Variants in YWHAH observed in about 807,000 individuals in gnomAD.
The protein encoded by YWHAH is tyrosine 3-monooxygenase/tryptophan 5-monooxygenase activation protein eta, also known as 14-3-3 protein eta.
A neutral mutation model predicts 22.9 loss-of-function variants in YWHAH; 6 were observed. The ratio of observed to expected loss-of-function variants is 0.26; its 90% CI spans 0.14 to 0.52. The LOEUF is 0.52. Ranked by LOEUF, YWHAH falls within the 20% of genes least tolerant of loss-of-function variation. The pLI is 0.97. For missense variants in YWHAH, 173 were observed against 308.6 expected (o/e 0.56, Z 3.29); for synonymous variants, 135 against 124.5 (o/e 1.08, Z -0.56).
intron 1 of YWHAH, among the ~76,000 whole-genome samples, chr22:31,949,515 G>T (rs555535881): frequency 1.4e-5 from 2 of 146,538 alleles, no homozygotes; most frequent in East Asian, 2.1e-4. Context: ...TTTTTTGGTG[G>T]GGGGGGGAGT....
At chr22:31,952,663 C>T (rs2093844856) in intron 1 of YWHAH, among the ~76,000 whole-genome samples, 1 of 152,216 alleles carries the variant, frequency 6.6e-6, no homozygotes, top group Non-Finnish European at 1.5e-5. Flanking sequence ...TTCATTCAGA[C>T]TGGCAGGCAA....
intron 1 of YWHAH, among the ~76,000 whole-genome samples, chr22:31,955,510 C>T (rs1684262802): frequency 6.8e-6 from 1 of 147,500 alleles, no homozygotes. Context: ...AGTGCAGTGG[C>T]ACGATCTGGG....
intron 1 of YWHAH, among the ~76,000 whole-genome samples, chr22:31,954,202 T>C (rs538568932): frequency 1.4e-4 from 22 of 152,372 alleles, no homozygotes; most frequent in Non-Finnish European, 2.4e-4. Context: ...TCCTTACAGA[T>C]TGGTTTAAGT....
Position 31,956,745 on chromosome 22 carries a change from C to G in YWHAH, c.694C>G (p.Leu232Val). The G allele has an allele frequency of 6.2e-7, 1 of 1,612,026 alleles. No homozygotes were observed. Among genetic ancestry groups the G allele is most frequent in the Non-Finnish European group, 8.5e-7 (1 of 1,179,006 alleles). ...GCAGTTGCTGCGAGACAACCTCACC[C>G]TCTGGACGAGCGACCAGCAGGATGA... The part of the protein sequence containing the change: ...IMQLLRDNLT[L>V]WTSDQQDEEA... The change falls in exon 2 of 2, where the codon CTC becomes GTC. Residue 232 changes from leucine (L) to valine (V), a missense_variant. Leu to Val is a conservative substitution (Grantham distance 32, BLOSUM62 1). Transcript: ENST00000248975. The surrounding 1 kb of genome is among the most constrained non-coding windows in gnomAD (Gnocchi z 5.1).
At chr22:31,947,010 AAAG>A (rs780965018) in intron 1 of YWHAH, among the ~76,000 whole-genome samples, 7 of 152,210 alleles carry the variant, frequency 4.6e-5, no homozygotes, top group African/African-American at 1.2e-4. Context: ...AAAAGAAAAA[AAAG>A]AATATATTGG....
intron 1 of YWHAH, among the ~76,000 whole-genome samples, chr22:31,945,880 GCTTAAGT>G (rs2093833712): frequency 6.6e-6 from 1 of 152,184 alleles, no homozygotes; most frequent in East Asian, 1.9e-4. Flanking sequence ...TTTTTAGCTG[GCTTAAGT>G]CTGAGAATTA....
intron 1 of YWHAH, chr22:31,945,795 G>C (rs1022600888): frequency 2.4e-6 from 2 of 843,054 alleles, no homozygotes; most frequent in Admixed American, 3.9e-5. Flanking sequence ...CTTGAACTCC[G>C]CCTTAGACCT....
At position 31,956,091 on chromosome 22, in the gene YWHAH, A is replaced by G; in HGVS notation, c.88-48A>G. 2.6e-6 allele frequency: 4 copies of G among 1,542,956 alleles called. No homozygotes were observed. The highest frequency in any genetic ancestry group is 3.5e-6 in the Non-Finnish European group (4 of 1,148,848). The stretch of plus-strand genomic sequence containing the variant: ...ATGTTGAAGGGAAGGCTTCTTACCA[A>G]GATTTTCAGATTTTGCTTTCAATGT... On this transcript the variant is annotated intron_variant, in intron 1 of 1. Transcript: ENST00000248975. The surrounding 1 kb of genome is among the most constrained non-coding windows in gnomAD (Gnocchi z 5.1).
chr22:31,951,303 A>C (rs1212613066), intron 1 of YWHAH, among the ~76,000 whole-genome samples: 1 of 152,164 alleles, frequency 6.6e-6, no homozygotes, highest in East Asian at 1.9e-4. Context: ...TGTTTACTTA[A>C]TCATGAGAAT....
intron 1 of YWHAH, chr22:31,945,225 A>G (rs754232484): frequency 1.4e-4 from 161 of 1,120,088 alleles, no homozygotes; most frequent in Non-Finnish European, 1.7e-4. Context: ...CTTGGAATAA[A>G]GAATCACCTA....
chr22:31,947,404 T>A (rs950284306), intron 1 of YWHAH: 3 of 469,316 alleles, frequency 6.4e-6, no homozygotes, highest in Non-Finnish European at 1.3e-5. Flanking sequence ...CCTTCATAAT[T>A]AAAATGCTCA....
At chr22:31,945,155 T>C (rs13057194) in intron 1 of YWHAH, 431,955 of 1,077,584 alleles carry the variant, frequency 0.4, 87,651 homozygotes, top group Non-Finnish European at 0.41. Flanking sequence ...GAGCCGCATT[T>C]CTCCTAGAGC....
At position 31,957,035 on chromosome 22, in the gene YWHAH, GA is replaced by G; in HGVS notation, c.*244del. ...ATTGTGTGGAGAAGTGTGTTCTGAT[GA>G]GGCATTTTACTATGCCTGTTGATCT... On this transcript the variant is annotated 3_prime_UTR_variant, in exon 2 of 2. Transcript: ENST00000248975. 1 of 460,106 alleles carries G rather than the reference GA, an allele frequency of 2.2e-6. No individual in the cohort carries two copies. The highest frequency in any genetic ancestry group is 3.8e-6 in the Non-Finnish European group (1 of 262,936). The allele number at this position is 460,106 out of a possible 1,614,324, so 28.5% of individuals were successfully genotyped here.
At chr22:31,948,643 G>A (rs993527168) in intron 1 of YWHAH, among the ~76,000 whole-genome samples, 1 of 152,120 alleles carries the variant, frequency 6.6e-6, no homozygotes, top group Non-Finnish European at 1.5e-5. Flanking sequence ...TTAAAGTGCT[G>A]GGATTACAGG....
intron 1 of YWHAH, among the ~76,000 whole-genome samples, chr22:31,948,972 A>G (rs2093838939): frequency 6.6e-6 from 1 of 151,502 alleles, no homozygotes; most frequent in African/African-American, 2.4e-5. Context: ...CCAAAAATGT[A>G]TTTTCTTTGG....
Position 31,956,912 on chromosome 22 carries a change from C to T in YWHAH, c.*120C>T, listed in dbSNP as rs555329579. ...TATCTGTATTGGCAGCACAGCTACT[C>T]AGATCTGCACTCCTGTCTCTTGGGA... On this transcript the variant is annotated 3_prime_UTR_variant, in exon 2 of 2. Transcript: ENST00000248975. This position sits in a 1 kb window ranked among gnomAD's most constrained non-coding sequence, Gnocchi z 5.1. 3 of 1,216,166 alleles carry T rather than the reference C, an allele frequency of 2.5e-6. No homozygotes were observed. Among genetic ancestry groups the T allele is most frequent in the Non-Finnish European group, 2.2e-6 (2 of 895,288 alleles). The allele number at this position is 1,216,166 out of a possible 1,614,324, so 75.3% of individuals were successfully genotyped here. A position where few individuals can be genotyped will look rare whatever the true frequency, so the allele number is the denominator to read the frequency against.
chr22:31,951,892 GGTT>G (rs2093843764), intron 1 of YWHAH, among the ~76,000 whole-genome samples: 1 of 152,162 alleles, frequency 6.6e-6, no homozygotes. Flanking sequence ...ATCAGTTTAA[GGTT>G]GTCCTTCAGG....
chr22:31,954,814 A>G (rs962861069), intron 1 of YWHAH, among the ~76,000 whole-genome samples: 44 of 152,186 alleles, frequency 2.9e-4, no homozygotes, highest in African/African-American at 9.2e-4. Context: ...GGCACACCCT[A>G]ATGTCCAGTA....
At chr22:31,944,961 C>T (rs1393506502) in intron 1 of YWHAH, 141 bp downstream of exon 1, 1 of 1,118,858 alleles carries the variant, frequency 8.9e-7, no homozygotes, top group East Asian at 4.6e-5. Flanking sequence ...CCGCCCTTAG[C>T]CCGCGCTTCC....
Sources: allele counts gnomAD v4.1 joint callset (sites outside exome capture counted in the v4.1 genomes callset), GRCh38; gene constraint gnomAD v4.1.1; non-coding constraint Gnocchi (gnomAD v3.1); transcripts MANE v1.5; gene names NCBI Gene and HGNC (gene_info 2026-07-23, HGNC 2026-07-21).